Variants in CPS1 observed in about 807,000 individuals in gnomAD.
CPS1 encodes the protein carbamoyl-phosphate synthase 1.
CPS1 carries 109 observed loss-of-function variants against 174.6 expected under a neutral mutation model. The observed-to-expected ratio is 0.62, with a 90% confidence interval of 0.53 to 0.73. The LOEUF (loss-of-function observed/expected upper bound fraction) is 0.73. CPS1 is among the 30% of genes least tolerant of loss of function. The pLI, the probability that CPS1 is intolerant of heterozygous loss-of-function variation, is 0.00. For missense variants in CPS1, 1,689 were observed against 1,821.9 expected (o/e 0.93, Z 1.33); for synonymous variants, 637 against 632.0 (o/e 1.01, Z -0.12).
chr2:210,631,198 G>A (rs1303763089), intron 21 of CPS1: 1 of 152,194 alleles, frequency 6.6e-6, no homozygotes. Context: ...AGAGAGGACT[G>A]TGTGAAGTGC....
At position 210,584,795 on chromosome 2, in the gene CPS1, GA is replaced by G. The variant is rs532907639; in HGVS notation, c.621+2090del. Among the ~76,000 whole-genome samples, 370 of 152,062 alleles carry G rather than the reference GA, an allele frequency of 2.4e-3. 3 individuals carry two copies. Among genetic ancestry groups the G allele is most frequent in the African/African-American group, 8.5e-3 (353 of 41,498 alleles). On this transcript the variant is annotated intron_variant, in intron 6 of 37. Coordinates refer to ENST00000233072, the MANE Select transcript of CPS1 (RefSeq NM_001875.5). The stretch of plus-strand genomic sequence containing the variant: ...TTTCCATTTTGATGGGAGTTTGACG[GA>G]AAAGCTTTAAAAAGCTCAATTTCTA...
At chr2:210,586,047 A>G (rs1309623981) in intron 6 of CPS1, among the ~76,000 whole-genome samples, 1 of 151,882 alleles carries the variant, frequency 6.6e-6, no homozygotes, top group East Asian at 1.9e-4. Flanking sequence ...CTTTAAAAAA[A>G]GTTATTAAAA....
intron 1 of CPS1, among the ~76,000 whole-genome samples, chr2:210,570,212 G>A (rs1183001729): frequency 6.6e-6 from 1 of 151,914 alleles, no homozygotes; most frequent in East Asian, 1.9e-4. Flanking sequence ...TAGTGGGAAA[G>A]AGGATTGGAA....
intron 21 of CPS1, among the ~76,000 whole-genome samples, chr2:210,630,827 G>A (rs1699842553): frequency 6.6e-6 from 1 of 152,126 alleles, no homozygotes; most frequent in Admixed American, 6.5e-5. Flanking sequence ...TTTCTCCACT[G>A]ATGGCATTAT....
intron 1 of CPS1, among the ~76,000 whole-genome samples, chr2:210,545,549 T>G (rs761410682): frequency 2.6e-5 from 4 of 152,178 alleles, no homozygotes; most frequent in Middle Eastern, 3.4e-3. Context: ...GACTTACTAT[T>G]TTTTACACGA....
chr2:210,522,467 G>C (rs983796608), intron 1 of CPS1, among the ~76,000 whole-genome samples: 1 of 151,862 alleles, frequency 6.6e-6, no homozygotes, highest in African/African-American at 2.4e-5. Context: ...AAAGAAAAAG[G>C]CCAAGAGAAT....
intron 1 of CPS1, among the ~76,000 whole-genome samples, chr2:210,569,526 C>T (rs1018868363): frequency 6.6e-6 from 1 of 152,026 alleles, no homozygotes; most frequent in Non-Finnish European, 1.5e-5. Context: ...TCAGTGACGC[C>T]TCAGTGATAT....
At chr2:210,495,816 C>A (rs1293856714) in intron 1 of CPS1, among the ~76,000 whole-genome samples, 1 of 152,012 alleles carries the variant, frequency 6.6e-6, no homozygotes. Flanking sequence ...TGTCACCGAG[C>A]ATAGAATTCA....
chr2:210,658,409 T>C, intron 30 of CPS1, 190 bp from the exon 31 acceptor site: 1 of 553,422 alleles, frequency 1.8e-6, no homozygotes, highest in African/African-American at 1.9e-5. Context: ...ATTTTGTGTG[T>C]ATTTATTGCA....
intron 25 of CPS1, 84 bp from the exon 26 acceptor site, chr2:210,647,779 T>C: frequency 6.8e-7 from 1 of 1,463,278 alleles, no homozygotes; most frequent in Non-Finnish European, 9.6e-7. Flanking sequence ...GAATTATCAG[T>C]AAGGAAATAG....
intron 1 of CPS1, among the ~76,000 whole-genome samples, chr2:210,549,091 A>G (rs1421053796): frequency 6.6e-6 from 1 of 151,994 alleles, no homozygotes; most frequent in Non-Finnish European, 1.5e-5. Flanking sequence ...ACTTCAAGAC[A>G]TGTTGCACCA....
chr2:210,669,210 A>G (rs905304804), intron 34 of CPS1, among the ~76,000 whole-genome samples: 4 of 152,104 alleles, frequency 2.6e-5, no homozygotes, highest in African/African-American at 9.7e-5. Context: ...TTCTATTACT[A>G]TTTGGAATGC....
intron 1 of CPS1, among the ~76,000 whole-genome samples, chr2:210,500,160 A>G (rs1695103241): frequency 6.6e-6 from 1 of 152,060 alleles, no homozygotes; most frequent in Admixed American, 6.6e-5. Context: ...CGCCCCCATG[A>G]TTCAATTATC....
intron 25 of CPS1, among the ~76,000 whole-genome samples, chr2:210,643,327 A>G (rs1380144076): frequency 1.3e-5 from 2 of 152,212 alleles, no homozygotes. Flanking sequence ...TCTTATAATT[A>G]AAATAAAAGC....
chr2:210,486,644 G>T (rs1183397908), intron 1 of CPS1, among the ~76,000 whole-genome samples: 1 of 152,174 alleles, frequency 6.6e-6, no homozygotes, highest in Non-Finnish European at 1.5e-5. Context: ...CTAAGTAACT[G>T]GGATTACAGG....
chr2:210,578,939 G>A (rs983455935), intron 4 of CPS1, among the ~76,000 whole-genome samples: 5 of 152,124 alleles, frequency 3.3e-5, no homozygotes, highest in Non-Finnish European at 5.9e-5. Context: ...TTGTAAGTTC[G>A]TTTTTTAAAT....
chr2:210,479,249 T>C (rs1026796324), intron 1 of CPS1, among the ~76,000 whole-genome samples: 21 of 152,108 alleles, frequency 1.4e-4, no homozygotes, highest in African/African-American at 4.8e-4. Context: ...TCCCTCAGTC[T>C]GTGTTGTCTG....
At chr2:210,577,791 C>A (rs1697764359) in intron 4 of CPS1, among the ~76,000 whole-genome samples, 1 of 152,056 alleles carries the variant, frequency 6.6e-6, no homozygotes, top group South Asian at 2.1e-4. Flanking sequence ...TTAGCATTTT[C>A]TCTTCTCTTT....
chr2:210,638,116 A>C (rs1700094426), intron 22 of CPS1, among the ~76,000 whole-genome samples: 1 of 152,230 alleles, frequency 6.6e-6, no homozygotes, highest in Non-Finnish European at 1.5e-5. Flanking sequence ...ACAAAAATTT[A>C]AACTCTCCTC....
Sources: allele counts gnomAD v4.1 joint callset (sites outside exome capture counted in the v4.1 genomes callset), GRCh38; gene constraint gnomAD v4.1.1; transcripts MANE v1.5; gene names NCBI Gene and HGNC (gene_info 2026-07-23, HGNC 2026-07-21).